EYS: variants seen among roughly 807,000 people sequenced by gnomAD.
EYS encodes EGF-like photoreceptor maintenance factor.
Under a neutral mutation model 282.1 loss-of-function variants are expected in EYS, and 250 were observed. The ratio of observed to expected loss-of-function variants is 0.89; its 90% confidence interval spans 0.80 to 0.98. EYS has a LOEUF of 0.98. Ranked by LOEUF, EYS falls within the 50% of genes least tolerant of loss-of-function variation. The probability of loss-of-function intolerance (pLI) is 0.00; values close to 1 mark genes in which losing one functional copy is unlikely to be tolerated. For missense variants in EYS, 4,016 were observed against 3,709.0 expected (o/e 1.08, Z -2.15); for synonymous variants, 1,355 against 1,282.9 (o/e 1.06, Z -1.20).
intron 13 of EYS, among the ~76,000 whole-genome samples, chr6:65,015,337 G>A (rs938593899): frequency 6.6e-6 from 1 of 152,154 alleles, no homozygotes. Context: ...GCTAATTTGT[G>A]ATGAAAATTG....
intron 12 of EYS, among the ~76,000 whole-genome samples, chr6:65,159,037 T>C (rs1330123002): frequency 6.6e-6 from 1 of 150,898 alleles, no homozygotes; most frequent in African/African-American, 2.4e-5. Flanking sequence ...CATGCCACAA[T>C]ATTCCTGGAA....
At chr6:64,908,691 T>C (rs998735868) in intron 16 of EYS, among the ~76,000 whole-genome samples, 1 of 152,046 alleles carries the variant, frequency 6.6e-6, no homozygotes, top group Non-Finnish European at 1.5e-5. Context: ...GGCTGTCTCT[T>C]CCCGAAAGTC....
At chr6:64,416,686 C>T (rs541860448) in intron 28 of EYS, among the ~76,000 whole-genome samples, 1 of 152,144 alleles carries the variant, frequency 6.6e-6, no homozygotes, top group East Asian at 1.9e-4. Flanking sequence ...TTTATTTCTG[C>T]ATTTTTATTT....
At chr6:65,453,044 T>G (rs575476850) in intron 5 of EYS, among the ~76,000 whole-genome samples, 75 of 152,172 alleles carry the variant, frequency 4.9e-4, no homozygotes, top group Non-Finnish European at 8.7e-4. Context: ...CAGCCTGAAG[T>G]TGATTACTTG....
intron 32 of EYS, among the ~76,000 whole-genome samples, chr6:64,081,428 T>C (rs999313333): frequency 1.7e-4 from 26 of 152,198 alleles, no homozygotes; most frequent in African/African-American, 6.3e-4. Context: ...TATATCAAGA[T>C]AATAGATGTT....
intron 5 of EYS, among the ~76,000 whole-genome samples, chr6:65,428,823 C>T (rs1767761680): frequency 6.6e-6 from 1 of 152,054 alleles, no homozygotes; most frequent in Admixed American, 6.6e-5. Context: ...ATCAAAGAAA[C>T]ACTGTGCTTC....
chr6:65,106,700 A>T (rs1775048097), intron 12 of EYS, among the ~76,000 whole-genome samples: 1 of 152,064 alleles, frequency 6.6e-6, no homozygotes, highest in South Asian at 2.1e-4. Flanking sequence ...GCCACTTCAG[A>T]CATTTTATGT....
chr6:63,892,842 G>A (rs55727800), intron 35 of EYS, among the ~76,000 whole-genome samples: 17,868 of 152,090 alleles, frequency 0.12, 1,276 homozygotes, highest in African/African-American at 0.19. Context: ...CTGACAAAGG[G>A]CTAATATCCT....
At chr6:65,029,344 T>G (rs2150142887) in intron 13 of EYS, among the ~76,000 whole-genome samples, 1 of 152,308 alleles carries the variant, frequency 6.6e-6, no homozygotes, top group South Asian at 2.1e-4. Context: ...TGTATATATT[T>G]ATGTCTATAT....
At chr6:65,620,958 C>G (rs925575105) in intron 2 of EYS, among the ~76,000 whole-genome samples, 4 of 151,990 alleles carry the variant, frequency 2.6e-5, no homozygotes, top group Non-Finnish European at 2.9e-5. Flanking sequence ...TTGCTGAGGA[C>G]AGCTTTACTT....
intron 28 of EYS, among the ~76,000 whole-genome samples, chr6:64,429,997 A>G (rs979185352): frequency 6.6e-6 from 1 of 152,122 alleles, no homozygotes; most frequent in African/African-American, 2.4e-5. Context: ...CAAATTTTTT[A>G]TTTTTTGGAA....
intron 12 of EYS, among the ~76,000 whole-genome samples, chr6:65,227,911 G>A (rs1357138913): frequency 6.6e-6 from 1 of 152,054 alleles, no homozygotes; most frequent in Non-Finnish European, 1.5e-5. Flanking sequence ...CAGAGGCTGT[G>A]GGAAGGGGGA....
In EYS at chr6:65,174,633, A is replaced by G. The variant is rs373118124; in HGVS notation, c.2024-116906T>C. 1.3e-3 allele frequency among the ~76,000 whole-genome samples: 190 copies of G among 151,436 alleles called. 2 individuals are homozygous for G. The highest frequency in any genetic ancestry group is 4.3e-3 in the African/African-American group (178 of 41,490). On this transcript the variant is annotated intron_variant, in intron 12 of 42. Coordinates refer to ENST00000503581, the MANE Select transcript of EYS (RefSeq NM_001142800.2). The stretch of plus-strand genomic sequence containing the variant: ...AGATAATTCGATCTTCTAAAGTTTC[A>G]TCTGACAATGAATTTTAAAACCAGA...
chr6:63,819,815 C>A (rs1284189353), intron 36 of EYS, among the ~76,000 whole-genome samples: 1 of 151,850 alleles, frequency 6.6e-6, no homozygotes, highest in African/African-American at 2.4e-5. Flanking sequence ...GAAAGAAAAT[C>A]CAAATCCAGA....
intron 26 of EYS, among the ~76,000 whole-genome samples, chr6:64,504,697 C>T (rs886605633): frequency 2.6e-5 from 4 of 152,122 alleles, no homozygotes; most frequent in African/African-American, 9.7e-5. Flanking sequence ...TGTAGAAGAA[C>T]AGGAAAGGGC....
At chr6:63,848,518 G>A (rs1214167368) in intron 36 of EYS, among the ~76,000 whole-genome samples, 1 of 151,748 alleles carries the variant, frequency 6.6e-6, no homozygotes, top group Non-Finnish European at 1.5e-5. Context: ...TAGACAGTGG[G>A]TGCAGTCCAC....
At chr6:65,488,457 C>T (rs558870699) in intron 5 of EYS, among the ~76,000 whole-genome samples, 6 of 152,250 alleles carry the variant, frequency 3.9e-5, no homozygotes, top group African/African-American at 1.2e-4. Context: ...CTATAAACCA[C>T]TGCTCAAGGA....
chr6:63,940,192 G>A (rs1348654521), intron 35 of EYS, among the ~76,000 whole-genome samples: 2 of 152,094 alleles, frequency 1.3e-5, no homozygotes, highest in Non-Finnish European at 2.9e-5. Flanking sequence ...GTGTTCCCAA[G>A]AAGCAGAGAA....
intron 5 of EYS, among the ~76,000 whole-genome samples, chr6:65,446,527 G>A (rs1696630837): frequency 6.6e-6 from 1 of 151,772 alleles, no homozygotes; most frequent in Non-Finnish European, 1.5e-5. Flanking sequence ...AGATAATACT[G>A]AGAGTTGTGC....
Sources: gnomAD v4.1 joint callset for allele counts (sites outside exome capture counted in the v4.1 genomes callset) on GRCh38, gnomAD v4.1.1 for gene constraint, MANE v1.5 for transcripts, NCBI Gene and HGNC (gene_info 2026-07-23, HGNC 2026-07-21) for gene names.